Variants in CYFIP2 observed in about 807,000 individuals in gnomAD.
The protein encoded by CYFIP2 is cytoplasmic FMR1 interacting protein 2, also known as cytoplasmic FMR1-interacting protein 2.
CYFIP2 carries 29 observed loss-of-function variants against 158.7 expected under a neutral mutation model. That is an observed-to-expected ratio of 0.18 (90% CI 0.14 to 0.25). The LOEUF (loss-of-function observed/expected upper bound fraction) is 0.25, where lower values mean the gene tolerates loss of function less well. Ranked by LOEUF, CYFIP2 falls within the 10% of genes least tolerant of loss-of-function variation. The pLI is 1.00. For synonymous variants in CYFIP2, 585 were observed against 617.6 expected, an observed-to-expected ratio of 0.95 and a Z score of 0.78; for missense variants, 852 against 1,639.5, an observed-to-expected ratio of 0.52 and a Z score of 8.29.
At chr5:157,356,082 C>G (rs1055227838) in intron 23 of CYFIP2, among the ~76,000 whole-genome samples, 1 of 152,146 alleles carries the variant, frequency 6.6e-6, no homozygotes, top group Non-Finnish European at 1.5e-5. Flanking sequence ...TCAGTTCAGC[C>G]TGCTATAACA....
At chr5:157,310,178 A>T (rs1581030227) in intron 10 of CYFIP2, among the ~76,000 whole-genome samples, 1 of 152,096 alleles carries the variant, frequency 6.6e-6, no homozygotes, top group Non-Finnish European at 1.5e-5. Flanking sequence ...GTTCCTCCTC[A>T]CACTGATCCT....
At chr5:157,351,052 G>T (rs574063799) in intron 23 of CYFIP2, among the ~76,000 whole-genome samples, 2 of 151,864 alleles carry the variant, frequency 1.3e-5, no homozygotes, top group South Asian at 2.1e-4. Context: ...TCTTTCTCTT[G>T]TCTTACTGCT....
At position 157,359,158 on chromosome 5, in the gene CYFIP2, G is replaced by T. The variant is rs1414569016; in HGVS notation, c.2817+10G>T. On this transcript the variant is annotated intron_variant, in intron 24 of 30. Transcript: ENST00000620254. Reference sequence around the variant, plus strand: ...GATTGTGAAGAGCTTGGTAAGGAAAGGCCTCAGTGTGGCTTGAGATATGCC... The same window carrying T: ...GATTGTGAAGAGCTTGGTAAGGAAATGCCTCAGTGTGGCTTGAGATATGCC... The T allele has an allele frequency of 2.5e-6, 4 of 1,613,806 alleles. No individual in the cohort carries two copies. The highest frequency in any genetic ancestry group is 3.3e-5 in the Admixed American group (2 of 60,010).
chr5:157,367,865 C>T (rs1172396536), intron 26 of CYFIP2, among the ~76,000 whole-genome samples: 1 of 151,494 alleles, frequency 6.6e-6, no homozygotes, highest in Non-Finnish European at 1.5e-5. Flanking sequence ...AGCAATTCTC[C>T]TGCCTCAGCC....
chr5:157,308,813 A>G (rs1759458355), intron 9 of CYFIP2, among the ~76,000 whole-genome samples: 1 of 152,186 alleles, frequency 6.6e-6, no homozygotes, highest in Non-Finnish European at 1.5e-5. Context: ...ATCTTCCCTA[A>G]GTCAGCATGA....
chr5:157,274,412 A>G (rs1420498412), intron 1 of CYFIP2, among the ~76,000 whole-genome samples: 4 of 152,212 alleles, frequency 2.6e-5, no homozygotes, highest in African/African-American at 9.7e-5. Context: ...TATCAATATC[A>G]GTACTTAATT....
Position 157,390,561 on chromosome 5 carries a change from A to T in CYFIP2, c.3487A>T (p.Ile1163Phe). ...TGGCTTGAACTGGGCTGGTTGCTCCATCATTGTCCTGCTGGGCCAGCAGCG... is the reference window on the plus strand; with the variant it reads ...TGGCTTGAACTGGGCTGGTTGCTCCTTCATTGTCCTGCTGGGCCAGCAGCG... ...GDGLNWAGCS[I>F]IVLLGQQRRF... The change falls in exon 30 of 31, where the codon ATC (isoleucine) becomes TTC (phenylalanine). Residue 1163 changes from isoleucine (I) to phenylalanine (F), a missense_variant. By Grantham distance (21) the Ile-to-Phe change is conservative. Coordinates refer to ENST00000620254, the MANE Select transcript of CYFIP2 (RefSeq NM_001037333.3). The T allele has an allele frequency of 6.4e-7, 1 of 1,551,876 alleles. No homozygotes were observed. Among genetic ancestry groups the T allele is most frequent in the Admixed American group, 2.0e-5 (1 of 50,978 alleles).
intron 1 of CYFIP2, among the ~76,000 whole-genome samples, chr5:157,269,757 G>A (rs1755924649): frequency 6.6e-6 from 1 of 152,190 alleles, no homozygotes; most frequent in South Asian, 2.1e-4. Context: ...GTACTGTTGA[G>A]CCAATGGGAA....
chr5:157,317,936 C>T (rs1321557623), intron 13 of CYFIP2, among the ~76,000 whole-genome samples: 1 of 152,192 alleles, frequency 6.6e-6, no homozygotes, highest in African/African-American at 2.4e-5. Flanking sequence ...CCAGCCCCGC[C>T]ACTGATCCAA....
At chr5:157,391,796 G>A (rs969360107) in intron 30 of CYFIP2, among the ~76,000 whole-genome samples, 2 of 151,986 alleles carry the variant, frequency 1.3e-5, no homozygotes, top group Non-Finnish European at 2.9e-5. Context: ...ATACCTGGAC[G>A]TGGAATTGCT....
At chr5:157,354,202 A>G (rs1003188058) in intron 23 of CYFIP2, among the ~76,000 whole-genome samples, 3 of 151,996 alleles carry the variant, frequency 2.0e-5, no homozygotes, top group Non-Finnish European at 4.4e-5. Context: ...AGGGTTGTTT[A>G]TTTCTTGAGA....
chr5:157,292,057 C>G (rs1311474298), intron 3 of CYFIP2, among the ~76,000 whole-genome samples: 1 of 152,070 alleles, frequency 6.6e-6, no homozygotes, highest in African/African-American at 2.4e-5. Flanking sequence ...CCCAATTCCT[C>G]TCACCCCACC....
At chr5:157,285,170 A>T (rs1757276344) in intron 1 of CYFIP2, among the ~76,000 whole-genome samples, 169 bp from the exon 2 acceptor site, 1 of 152,214 alleles carries the variant, frequency 6.6e-6, no homozygotes, top group African/African-American at 2.4e-5. Flanking sequence ...AGATCCTGAG[A>T]TGTAAAAGAT....
chr5:157,360,444 G>A (rs750652944), intron 25 of CYFIP2, 72 bp downstream of exon 25: 183 of 1,314,184 alleles, frequency 1.4e-4, no homozygotes, highest in Non-Finnish European at 1.6e-4. Context: ...ACCTTAGAGC[G>A]TTTGCTTCTC....
chr5:157,371,857 A>C lies in CYFIP2; in HGVS notation c.3039+10259A>C, dbSNP rs190375451. 1.5e-3 allele frequency among the ~76,000 whole-genome samples: 233 copies of C among 152,362 alleles called. 1 individual carries two copies. The highest frequency in any genetic ancestry group is 5.4e-3 in the African/African-American group (226 of 41,586). On this transcript the variant is annotated intron_variant, in intron 26 of 30. Transcript: ENST00000620254. The stretch of plus-strand genomic sequence containing the variant: ...AACCTTTTTTGCTTTTACTGTCAAC[A>C]CAGCAATTTTACAGTAGACAGACTG...
At chr5:157,329,930 G>A (rs1255425600) in intron 19 of CYFIP2, among the ~76,000 whole-genome samples, 1 of 152,170 alleles carries the variant, frequency 6.6e-6, no homozygotes, top group Non-Finnish European at 1.5e-5. Flanking sequence ...ACCTGGTTTG[G>A]CCCTGGTCTC....
At chr5:157,329,918 C>A (rs540446862) in intron 19 of CYFIP2, among the ~76,000 whole-genome samples, 66 of 152,304 alleles carry the variant, frequency 4.3e-4, no homozygotes, top group African/African-American at 1.6e-3. Flanking sequence ...CTGTGTGGCC[C>A]TACCTGGTTT....
chr5:157,378,479 C>A (rs1330314032), intron 26 of CYFIP2, among the ~76,000 whole-genome samples: 1 of 152,236 alleles, frequency 6.6e-6, no homozygotes, highest in East Asian at 1.9e-4. Flanking sequence ...TGTTTCTATT[C>A]TTGGTAACTT....
In CYFIP2 at chr5:157,311,852, A is replaced by C; in HGVS notation, c.1110+71A>C. ...AGAAGGGGTAAGGAGCAGCCAGGAAAGAACATGGACCCACGGAACACTGGA... is the reference window on the plus strand; with the variant it reads ...AGAAGGGGTAAGGAGCAGCCAGGAACGAACATGGACCCACGGAACACTGGA... On this transcript the variant is annotated intron_variant, in intron 11 of 30. Transcript: ENST00000620254. This position sits in a 1 kb window ranked among gnomAD's most constrained non-coding sequence, Gnocchi z 4.7. The C allele has an allele frequency of 1.4e-6, 2 of 1,390,102 alleles. No individual in the cohort carries two copies. The highest frequency in any genetic ancestry group is 4.0e-5 in the Admixed American group (2 of 49,932). The allele number at this position is 1,390,102 out of a possible 1,614,324, so 86.1% of individuals were successfully genotyped here. A position where few individuals can be genotyped will look rare whatever the true frequency, so the allele number is the denominator to read the frequency against.
Sources: allele counts gnomAD v4.1 joint callset (sites outside exome capture counted in the v4.1 genomes callset), GRCh38; gene constraint gnomAD v4.1.1; non-coding constraint Gnocchi (gnomAD v3.1); transcripts MANE v1.5; gene names NCBI Gene and HGNC (gene_info 2026-07-23, HGNC 2026-07-21).